Variants in RBPMS2 observed in about 807,000 individuals in gnomAD.
RBPMS2 encodes the protein RNA binding protein, mRNA processing factor 2.
RBPMS2 carries 14 observed loss-of-function variants against 25.7 expected under a neutral mutation model. The observed-to-expected ratio is 0.55, with a 90% confidence interval of 0.36 to 0.85. The LOEUF (loss-of-function observed/expected upper bound fraction) is 0.85. Ranked by LOEUF, RBPMS2 falls within the 40% of genes least tolerant of loss-of-function variation. The pLI, the probability that RBPMS2 is intolerant of heterozygous loss-of-function variation, is 0.01. For synonymous variants in RBPMS2, 127 were observed against 115.6 expected (o/e 1.10, Z -0.63); for missense variants, 252 against 283.4 (o/e 0.89, Z 0.80).
intron 1 of RBPMS2, chr15:64,762,611 A>G (rs922296392): frequency 5.2e-5 from 24 of 465,038 alleles, no homozygotes; most frequent in Non-Finnish European, 9.5e-5. Context: ...AACAAAAGAC[A>G]AAGAACCTCA....
At chr15:64,744,330 G>A (rs969652715) in intron 6 of RBPMS2, among the ~76,000 whole-genome samples, 10 of 151,794 alleles carry the variant, frequency 6.6e-5, no homozygotes, top group African/African-American at 1.9e-4. Flanking sequence ...AGGCCGAGGC[G>A]GACGGATCAC....
At chr15:64,751,764 TC>T in intron 1 of RBPMS2, 126 bp from the exon 2 acceptor site, 1 of 692,484 alleles carries the variant, frequency 1.4e-6, no homozygotes, top group East Asian at 2.7e-5. Context: ...TTCCTGGGCC[TC>T]CTTGGATACC....
intron 1 of RBPMS2, chr15:64,762,368 G>C (rs1425680650): frequency 2.6e-6 from 1 of 381,920 alleles, no homozygotes; most frequent in Non-Finnish European, 5.2e-6. Context: ...ATGGGTGCTG[G>C]AGCAGGCCCA....
chr15:64,741,092 CG>C, intron 7 of RBPMS2, 80 bp downstream of exon 7: 5 of 1,119,514 alleles, frequency 4.5e-6, no homozygotes, highest in Non-Finnish European at 6.6e-6. Flanking sequence ...TCTTGAGACC[CG>C]GGGCAGAGGG....
chr15:64,762,260 T>C (rs373040222), intron 1 of RBPMS2: 1 of 438,574 alleles, frequency 2.3e-6, no homozygotes, highest in East Asian at 5.7e-5. Context: ...GAATCCTACA[T>C]GGTTACAGGC....
intron 6 of RBPMS2, among the ~76,000 whole-genome samples, chr15:64,747,704 G>C (rs1352423577): frequency 2.0e-5 from 3 of 152,192 alleles, no homozygotes; most frequent in Admixed American, 2.0e-4. Flanking sequence ...GGAAGCGCCT[G>C]CATGGCCAGG....
At chr15:64,750,658 G>A (rs1048490908) in intron 2 of RBPMS2, among the ~76,000 whole-genome samples, 4 of 152,218 alleles carry the variant, frequency 2.6e-5, no homozygotes, top group African/African-American at 7.2e-5. Context: ...CGAGAGCACA[G>A]ACCTTACCTT....
intron 1 of RBPMS2, among the ~76,000 whole-genome samples, chr15:64,760,620 G>A (rs901773184): frequency 6.6e-6 from 1 of 151,764 alleles, no homozygotes; most frequent in Non-Finnish European, 1.5e-5. Context: ...GGCTAACATG[G>A]TGAAATCCCC....
intron 1 of RBPMS2, among the ~76,000 whole-genome samples, chr15:64,761,862 C>T (rs2083791890): frequency 6.6e-6 from 1 of 152,098 alleles, no homozygotes; most frequent in South Asian, 2.1e-4. Flanking sequence ...GCACCCACCA[C>T]CATGCCCGAC....
chr15:64,749,028 T>C lies in RBPMS2; in HGVS notation c.390A>G (p.Leu130=), dbSNP rs200921607. ...GGTCCCGTGCGATGAAGTGTGCTCCTAGGGCGGGGTGCACGTTGCTGGGAT... is the reference window on the plus strand; with the variant it reads ...GGTCCCGTGCGATGAAGTGTGCTCCCAGGGCGGGGTGCACGTTGCTGGGAT... ...TPNPSNVHPA[L]GAHFIARDPY... is the part of the protein sequence containing the mutation. The change falls in exon 5 of 8, where the codon CTA becomes CTG. Residue 130 remains leucine, a synonymous_variant. Transcript: ENST00000300069. 9.3e-6 allele frequency: 15 copies of C among 1,614,186 alleles called. No individual in the cohort carries two copies. Among genetic ancestry groups the C allele is most frequent in the South Asian group, 6.6e-5 (6 of 91,082 alleles).
rs540589730 is a variant in RBPMS2 at position 64,763,183 on chromosome 15, C to T, written c.88-11545G>A. Among the ~76,000 whole-genome samples, 78 of 152,174 alleles carry T rather than the reference C, an allele frequency of 5.1e-4. 1 individual carries two copies. The South Asian group carries it at 0.014, about 28-fold the overall frequency. ...AGGCCCTCTGAGTATGGCCACTTGA[C>T]GTGAGGTGGATGGAATGTGGCGACA... is the stretch of plus-strand genomic sequence containing the variant. On this transcript the variant is annotated intron_variant, in intron 1 of 7. Transcript: ENST00000300069.
At chr15:64,750,302 G>A (rs768324297) in intron 3 of RBPMS2, 41 bp downstream of exon 3, 11 of 1,580,788 alleles carry the variant, frequency 7.0e-6, no homozygotes, top group East Asian at 2.2e-5. Flanking sequence ...CTCAGCAGCC[G>A]GTCTGGGCTG....
chr15:64,755,204 T>C (rs1210206029), intron 1 of RBPMS2, among the ~76,000 whole-genome samples: 1 of 152,074 alleles, frequency 6.6e-6, no homozygotes, highest in Non-Finnish European at 1.5e-5. Flanking sequence ...GGATTCCCTC[T>C]GGGTCCGATG....
chr15:64,749,399 A>C (rs2083653323), intron 4 of RBPMS2, 32 bp downstream of exon 4: 8 of 1,580,992 alleles, frequency 5.1e-6, no homozygotes, highest in Non-Finnish European at 7.0e-6. Context: ...GAGGGCTGTG[A>C]GTCAGAGAAG....
chr15:64,761,706 T>TG (rs1234162228), intron 1 of RBPMS2, among the ~76,000 whole-genome samples: 61 of 144,428 alleles, frequency 4.2e-4, no homozygotes, highest in African/African-American at 1.6e-3. Context: ...CTTTTTTTTT[T>TG]TTTTTTTTTT....
intron 1 of RBPMS2, among the ~76,000 whole-genome samples, chr15:64,754,950 C>T (rs2141064930): frequency 6.6e-6 from 1 of 152,300 alleles, no homozygotes; most frequent in African/African-American, 2.4e-5. Flanking sequence ...GAAAGCAGGA[C>T]ATGATTTGGG....
At chr15:64,754,712 A>AC (rs1472868941) in intron 1 of RBPMS2, among the ~76,000 whole-genome samples, 3 of 151,696 alleles carry the variant, frequency 2.0e-5, no homozygotes, top group African/African-American at 7.3e-5. Context: ...TCAAAAAAAA[A>AC]AAACCCAAAA....
chr15:64,749,501 GA>G lies in RBPMS2; in HGVS notation c.205-9del, dbSNP rs60232858. 7,489 of 1,607,016 alleles carry G rather than the reference GA, an allele frequency of 4.7e-3. 303 individuals carry two copies. In the African/African-American group the frequency reaches 0.088, roughly 19 times the overall value. Reference sequence around the variant, plus strand: ...GATCACAAAACCAACAGGCTAGTAGGAAAAAGAGAGAACACCCTTATATCTC... The same window carrying G: ...GATCACAAAACCAACAGGCTAGTAGGAAAAGAGAGAACACCCTTATATCTC... On this transcript the variant is annotated splice_polypyrimidine_tract_variant and intron_variant, in intron 3 of 7. Transcript: ENST00000300069.
chr15:64,749,562 C>CA (rs899019639), intron 3 of RBPMS2, 69 bp from the exon 4 acceptor site: 4 of 1,332,144 alleles, frequency 3.0e-6, no homozygotes, highest in Non-Finnish European at 4.2e-6. Flanking sequence ...AAAATAACAA[C>CA]AAAAAAAGAG....
Sources: allele counts gnomAD v4.1 joint callset (sites outside exome capture counted in the v4.1 genomes callset), GRCh38; gene constraint gnomAD v4.1.1; transcripts MANE v1.5; gene names NCBI Gene and HGNC (gene_info 2026-07-23, HGNC 2026-07-21).